The following ELMOD3 variants were observed in gnomAD, a reference collection of about 807,000 sequenced individuals.
ELMOD3 encodes the protein ELMO domain-containing protein 3.
In ELMOD3, 36 loss-of-function variants were observed where a neutral mutation model predicts 47.4. The ratio of observed to expected loss-of-function variants is 0.76; its 90% confidence interval spans 0.58 to 1.00. ELMOD3 has a LOEUF of 1.00. ELMOD3 is among the 50% of genes least tolerant of loss of function. The pLI is 0.00. For synonymous variants in ELMOD3, 149 were observed against 183.5 expected (o/e 0.81, Z 1.52); for missense variants, 404 against 463.8 (o/e 0.87, Z 1.18).
chr2:85,378,915 GTC>G (rs1171851789), intron 11 of ELMOD3, among the ~76,000 whole-genome samples: 1 of 152,212 alleles, frequency 6.6e-6, no homozygotes, highest in Non-Finnish European at 1.5e-5. Flanking sequence ...AGGTTGTGAA[GTC>G]TCATGTCCTA....
rs188830134 is a variant in ELMOD3, at chr2:85,358,018, G to A, written c.54+766G>A. 4.6e-5 allele frequency among the ~76,000 whole-genome samples: 7 copies of A among 152,274 alleles called. 1 individual carries two copies. Among genetic ancestry groups the A allele is most frequent in the Admixed American group, 3.9e-4 (6 of 15,286 alleles). Reference sequence around the variant, plus strand: ...TAAGAGCCTGGAGGCAGTGGCTCACGCCTGTAATCCCAACACTTTGGGAGG... The same window carrying A: ...TAAGAGCCTGGAGGCAGTGGCTCACACCTGTAATCCCAACACTTTGGGAGG... On this transcript the variant is annotated intron_variant, in intron 4 of 13. Transcript: ENST00000409013.
chr2:85,374,907 G>A (rs185713964), intron 10 of ELMOD3, among the ~76,000 whole-genome samples: 49 of 152,076 alleles, frequency 3.2e-4, no homozygotes, highest in African/African-American at 9.9e-4. Flanking sequence ...TCAGGAGTTC[G>A]AGTCTAGCCT....
chr2:85,372,663 G>A (rs1176302322), intron 10 of ELMOD3: 2 of 152,104 alleles, frequency 1.3e-5, no homozygotes, highest in East Asian at 1.9e-4. Context: ...GCCAAGGCAA[G>A]TGGATCACCT....
At chr2:85,370,573 G>A (rs1684725526) in intron 8 of ELMOD3, among the ~76,000 whole-genome samples, 1 of 152,180 alleles carries the variant, frequency 6.6e-6, no homozygotes, top group South Asian at 2.1e-4. Context: ...CCAGAGAGCC[G>A]AAAGCTACCG....
intron 6 of ELMOD3, among the ~76,000 whole-genome samples, chr2:85,367,316 T>C (rs1684456920): frequency 1.3e-5 from 2 of 152,132 alleles, no homozygotes; most frequent in South Asian, 4.1e-4. Context: ...CAGAGCTAAC[T>C]GAAGAATGAG....
At chr2:85,363,811 T>A (rs1573092229) in intron 6 of ELMOD3, among the ~76,000 whole-genome samples, 1 of 152,320 alleles carries the variant, frequency 6.6e-6, no homozygotes, top group South Asian at 2.1e-4. Flanking sequence ...CTTGTGAGAC[T>A]TATTCACTAT....
intron 4 of ELMOD3, among the ~76,000 whole-genome samples, chr2:85,359,595 C>A (rs1683801929): frequency 6.6e-6 from 1 of 151,590 alleles, no homozygotes; most frequent in Non-Finnish European, 1.5e-5. Flanking sequence ...AAAAAAAATA[C>A]TTTTTTGTAT....
chr2:85,370,784 G>A (rs1260747165), intron 8 of ELMOD3, among the ~76,000 whole-genome samples: 1 of 152,220 alleles, frequency 6.6e-6, no homozygotes, highest in Admixed American at 6.5e-5. Context: ...TGTAACCCCT[G>A]TGGGAGTCAG....
chr2:85,379,860 C>T (rs977463565), intron 11 of ELMOD3, among the ~76,000 whole-genome samples: 2 of 152,110 alleles, frequency 1.3e-5, no homozygotes, highest in African/African-American at 4.8e-5. Context: ...TTTGTACCAT[C>T]AAATATCTAT....
intron 11 of ELMOD3, among the ~76,000 whole-genome samples, chr2:85,377,801 A>G (rs1050022691): frequency 9.2e-5 from 14 of 152,222 alleles, no homozygotes; most frequent in Non-Finnish European, 1.8e-4. Context: ...CAGAAAGGGT[A>G]CACTCACTAG....
In ELMOD3 at chr2:85,369,777, T is replaced by G; in HGVS notation, c.307T>G (p.Ser103Ala). 1 of 1,614,078 alleles carries G rather than the reference T, an allele frequency of 6.2e-7. No homozygotes were observed. The highest frequency in any genetic ancestry group is 1.1e-5 in the South Asian group (1 of 91,084). Residue 103 changes from serine to alanine, a missense_variant, in exon 8 of 14, where the codon TCC becomes GCC. Transcript: ENST00000409013. ...CTCAGAGCAGCCTGGGCAGCTAATC[T>G]CCTTCAGTGAGGCCCTGCAGCACTT... is the stretch of plus-strand genomic sequence containing the variant. ...ASSEQPGQLI[S>A]FSEALQHFQT... is the part of the protein sequence containing the mutation.
chr2:85,357,079 A>G lies in ELMOD3; in HGVS notation c.-120A>G. ...TTACTCTTAGTCTGAGTGACTGCCA[A>G]GGAAGGCAAAGGTAGAGCAACTGGA... On this transcript the variant is annotated 5_prime_UTR_variant, in exon 4 of 14. Coordinates refer to ENST00000409013, the MANE Select transcript of ELMOD3 (RefSeq NM_001135022.2). 1 of 666,770 alleles carries G rather than the reference A, an allele frequency of 1.5e-6. No individual in the cohort carries two copies. Among genetic ancestry groups the G allele is most frequent in the Non-Finnish European group, 2.6e-6 (1 of 383,120 alleles). The allele number at this position is 666,770 out of a possible 1,614,324, so 41.3% of individuals were successfully genotyped here.
At chr2:85,378,463 T>G (rs941634189) in intron 11 of ELMOD3, among the ~76,000 whole-genome samples, 13 of 152,148 alleles carry the variant, frequency 8.5e-5, no homozygotes, top group African/African-American at 3.1e-4. Flanking sequence ...AATTAACATA[T>G]GTAAGAATGA....
intron 11 of ELMOD3, among the ~76,000 whole-genome samples, chr2:85,385,449 G>A (rs1305263362): frequency 1.3e-5 from 2 of 152,200 alleles, no homozygotes; most frequent in South Asian, 2.1e-4. Flanking sequence ...GGCTGGCAGG[G>A]GTGGGGGTCA....
At chr2:85,383,843 A>G (rs1236025613) in intron 11 of ELMOD3, among the ~76,000 whole-genome samples, 1 of 152,232 alleles carries the variant, frequency 6.6e-6, no homozygotes, top group African/African-American at 2.4e-5. Flanking sequence ...CAGTTAATTT[A>G]GAAAGTTTGT....
chr2:85,360,610 C>G (rs755345406), intron 4 of ELMOD3, among the ~76,000 whole-genome samples: 28 of 152,024 alleles, frequency 1.8e-4, no homozygotes, highest in Non-Finnish European at 2.9e-5. Context: ...CTGCCTTGGT[C>G]TCCCAAAGTG....
chr2:85,368,920 G>A lies in ELMOD3; in HGVS notation c.268+166G>A, dbSNP rs72840080. 0.012 allele frequency among the ~76,000 whole-genome samples: 1,809 copies of A among 152,288 alleles called. 16 individuals carry two copies. The highest frequency in any genetic ancestry group is 0.014 in the Non-Finnish European group (950 of 68,016). ...TTACAGTACCTTTTTCAAATCCTAA[G>A]ATGATGACATCCTACCTCTGGAGGA... On this transcript the variant is annotated intron_variant, in intron 7 of 13. Coordinates refer to ENST00000409013, the MANE Select transcript of ELMOD3 (RefSeq NM_001135022.2).
rs370500612 is a variant in ELMOD3 at position 85,368,764 on chromosome 2, C to A, written c.268+10C>A. On this transcript the variant is annotated intron_variant, in intron 7 of 13. Coordinates refer to ENST00000409013, the MANE Select transcript of ELMOD3 (RefSeq NM_001135022.2). ...ATCCAGCCAGAGACAGGTAACTGTA[C>A]GAATGCTGCTGTCTCCCCATAGCCC... The A allele has an allele frequency of 6.2e-7, 1 of 1,613,966 alleles. No individual in the cohort carries two copies. The highest frequency in any genetic ancestry group is 8.5e-7 in the Non-Finnish European group (1 of 1,179,952).
intron 13 of ELMOD3, 185 bp downstream of exon 13, chr2:85,390,450 G>A (rs759169799): frequency 1.2e-6 from 2 of 1,614,126 alleles, no homozygotes; most frequent in Admixed American, 1.7e-5. Flanking sequence ...TCTCTGCCCT[G>A]ACTGTCGCCC....
Sources: gnomAD v4.1 joint callset for allele counts (sites outside exome capture counted in the v4.1 genomes callset) on GRCh38, gnomAD v4.1.1 for gene constraint, MANE v1.5 for transcripts, NCBI Gene and HGNC (gene_info 2026-07-23, HGNC 2026-07-21) for gene names.